The following PIP4K2A variants were observed in gnomAD, a reference collection of about 807,000 sequenced individuals.
PIP4K2A encodes the protein phosphatidylinositol-5-phosphate 4-kinase type 2 alpha.
PIP4K2A carries 14 observed loss-of-function variants against 42.9 expected under a neutral mutation model. The ratio of observed to expected loss-of-function variants is 0.33; its 90% CI spans 0.22 to 0.51. The LOEUF (loss-of-function observed/expected upper bound fraction) is 0.51. Among genes scored for constraint, PIP4K2A ranks in the 20% least tolerant of loss-of-function variants. The pLI, the probability that PIP4K2A is intolerant of heterozygous loss-of-function variation, is 0.97. For missense variants in PIP4K2A, 434 were observed against 519.8 expected, an observed-to-expected ratio of 0.83 and a Z score of 1.61; for synonymous variants, 192 against 192.2, an observed-to-expected ratio of 1.00 and a Z score of 0.01.
chr10:22,663,661 A>G (rs1839251521), intron 1 of PIP4K2A, among the ~76,000 whole-genome samples: 1 of 152,148 alleles, frequency 6.6e-6, no homozygotes, highest in South Asian at 2.1e-4. Context: ...TGTTTTTGAT[A>G]TATATTCTTC....
chr10:22,656,040 T>C (rs959775024), intron 1 of PIP4K2A, among the ~76,000 whole-genome samples: 5 of 152,198 alleles, frequency 3.3e-5, no homozygotes, highest in African/African-American at 9.7e-5. Context: ...ATCGATCTGC[T>C]CTACGGAGCA....
intron 1 of PIP4K2A, among the ~76,000 whole-genome samples, chr10:22,614,111 G>A (rs1490890336): frequency 1.3e-5 from 2 of 152,168 alleles, no homozygotes; most frequent in Non-Finnish European, 2.9e-5. Context: ...CTTGAGGGAC[G>A]GAGAGTTCTG....
intron 1 of PIP4K2A, among the ~76,000 whole-genome samples, chr10:22,709,636 G>A (rs1488395252): frequency 6.6e-6 from 1 of 151,964 alleles, no homozygotes; most frequent in Non-Finnish European, 1.5e-5. Context: ...CCTGACATGG[G>A]GCATCATTCT....
chr10:22,556,644 G>A (rs1836557445), intron 6 of PIP4K2A, among the ~76,000 whole-genome samples: 1 of 152,036 alleles, frequency 6.6e-6, no homozygotes, highest in African/African-American at 2.4e-5. Flanking sequence ...CTGTTTTGCT[G>A]ACCTAAAGCA....
At chr10:22,601,040 T>G (rs543511183) in intron 3 of PIP4K2A, among the ~76,000 whole-genome samples, 1 of 140,390 alleles carries the variant, frequency 7.1e-6, no homozygotes, top group Admixed American at 7.7e-5. Flanking sequence ...CTTCACAGAG[T>G]GCCATGAGAT....
chr10:22,712,004 C>A (rs1833919353), intron 1 of PIP4K2A, among the ~76,000 whole-genome samples: 1 of 152,178 alleles, frequency 6.6e-6, no homozygotes, highest in Non-Finnish European at 1.5e-5. Context: ...GGTGTTTTAG[C>A]AATTCTTCCC....
intron 1 of PIP4K2A, among the ~76,000 whole-genome samples, chr10:22,667,856 A>G (rs1475780951): frequency 6.9e-6 from 1 of 144,970 alleles, no homozygotes; most frequent in Admixed American, 6.9e-5. Flanking sequence ...TGAAGTTTTC[A>G]GTGAACTTCT....
chr10:22,590,930 C>T (rs891868398), intron 4 of PIP4K2A, among the ~76,000 whole-genome samples: 4 of 152,196 alleles, frequency 2.6e-5, no homozygotes, highest in African/African-American at 7.2e-5. Context: ...GATTTGAGCC[C>T]AGGATTGTCC....
At chr10:22,673,247 T>A (rs1288230618) in intron 1 of PIP4K2A, among the ~76,000 whole-genome samples, 1 of 152,178 alleles carries the variant, frequency 6.6e-6, no homozygotes, top group East Asian at 1.9e-4. Context: ...TCCATATACA[T>A]CTCTAAGCTG....
At chr10:22,634,002 T>C (rs1838608786) in intron 1 of PIP4K2A, among the ~76,000 whole-genome samples, 1 of 152,144 alleles carries the variant, frequency 6.6e-6, no homozygotes, top group South Asian at 2.1e-4. Context: ...TGCCCCAGAG[T>C]AGACGCTTAA....
chr10:22,711,775 T>C (rs1833915297), intron 1 of PIP4K2A, among the ~76,000 whole-genome samples: 2 of 152,216 alleles, frequency 1.3e-5, no homozygotes, highest in African/African-American at 4.8e-5. Flanking sequence ...ATATAAAACA[T>C]TTATCTAATA....
At chr10:22,650,490 G>A (rs552460700) in intron 1 of PIP4K2A, among the ~76,000 whole-genome samples, 2 of 151,504 alleles carry the variant, frequency 1.3e-5, no homozygotes, top group East Asian at 1.9e-4. Flanking sequence ...TAAAATGGAA[G>A]AAGGAATATC....
At chr10:22,542,096 G>A in intron 7 of PIP4K2A, 49 bp from the exon 8 acceptor site, 1 of 1,525,308 alleles carries the variant, frequency 6.6e-7, no homozygotes, top group Middle Eastern at 1.8e-4. Flanking sequence ...AAACATAAAA[G>A]CCAACATTTA....
intron 1 of PIP4K2A, among the ~76,000 whole-genome samples, chr10:22,674,282 T>C (rs930940757): frequency 1.3e-5 from 2 of 152,106 alleles, no homozygotes; most frequent in African/African-American, 2.4e-5. Context: ...TAATAACCCC[T>C]TTTGGCTTGT....
chr10:22,713,936 A>C, intron 1 of PIP4K2A: 2 of 355,656 alleles, frequency 5.6e-6, no homozygotes, highest in Non-Finnish European at 1.0e-5. Flanking sequence ...TGAGACTCAC[A>C]TGCACACGGG....
At chr10:22,639,909 A>C (rs570245435) in intron 1 of PIP4K2A, among the ~76,000 whole-genome samples, 2 of 152,258 alleles carry the variant, frequency 1.3e-5, no homozygotes, top group Admixed American at 1.3e-4. Context: ...ACTATGCTGA[A>C]TTTCATCCAA....
chr10:22,539,594 T>G (rs1836038260), intron 9 of PIP4K2A: 1 of 183,410 alleles, frequency 5.5e-6, no homozygotes, highest in Non-Finnish European at 1.1e-5. Context: ...CTGGAACATT[T>G]TTCAAACAAA....
intron 1 of PIP4K2A, among the ~76,000 whole-genome samples, chr10:22,653,148 A>G (rs1250052385): frequency 6.6e-6 from 1 of 152,184 alleles, no homozygotes; most frequent in East Asian, 1.9e-4. Flanking sequence ...CATACTGTAC[A>G]CTAAGTTAAG....
chr10:22,680,689 G>A (rs147790218), intron 1 of PIP4K2A, among the ~76,000 whole-genome samples: 1,959 of 152,318 alleles, frequency 0.013, 40 homozygotes, highest in African/African-American at 0.045. Flanking sequence ...AGAACTCAAG[G>A]AGGCTCAACA....
Sources: allele counts gnomAD v4.1 joint callset (sites outside exome capture counted in the v4.1 genomes callset), GRCh38; gene constraint gnomAD v4.1.1; transcripts MANE v1.5; gene names NCBI Gene and HGNC (gene_info 2026-07-23, HGNC 2026-07-21).